The following CELF1 variants were observed in gnomAD, a reference collection of about 807,000 sequenced individuals.
The protein encoded by CELF1 is 50 kDa nuclear polyadenylated RNA-binding protein.
A neutral mutation model predicts 61.8 loss-of-function variants in CELF1; 10 were observed. The observed-to-expected ratio is 0.16, with a 90% confidence interval of 0.10 to 0.27. The LOEUF (loss-of-function observed/expected upper bound fraction) is 0.27, where lower values mean the gene tolerates loss of function less well. Ranked by LOEUF, CELF1 falls within the 10% of genes least tolerant of loss-of-function variation. The probability of loss-of-function intolerance (pLI) is 1.00; values close to 1 mark genes in which losing one functional copy is unlikely to be tolerated. For synonymous variants in CELF1, 236 were observed against 225.1 expected (o/e 1.05, Z -0.43); for missense variants, 380 against 639.1 (o/e 0.59, Z 4.37).
chr11:47,487,274 T>C (rs1464250445), intron 4 of CELF1, 33 bp from the exon 5 acceptor site: 1 of 1,546,024 alleles, frequency 6.5e-7, no homozygotes, highest in Admixed American at 1.7e-5. Flanking sequence ...AAATCAAACT[T>C]TGGAAAGCAG....
At chr11:47,475,548 T>C (rs774366238) in intron 12 of CELF1, 27 bp from the exon 13 acceptor site, 6 of 1,610,594 alleles carry the variant, frequency 3.7e-6, no homozygotes, top group Admixed American at 3.3e-5. Context: ...GAAGGATTAA[T>C]ATACTAGAAA....
chr11:47,550,369 A>G (rs150299113), intron 1 of CELF1, among the ~76,000 whole-genome samples: 5,475 of 152,136 alleles, frequency 0.036, 100 homozygotes, highest in Middle Eastern at 0.065. Context: ...CATCTCTACT[A>G]AAAATACAAA....
chr11:47,563,123 G>A (rs1389746624), intron 2 of CELF1, among the ~76,000 whole-genome samples: 3 of 152,052 alleles, frequency 2.0e-5, no homozygotes, highest in African/African-American at 7.2e-5. Context: ...GGCTGAGGTA[G>A]GAGGACTGCT....
chr11:47,549,398 T>C (rs936813791), intron 1 of CELF1, among the ~76,000 whole-genome samples: 6 of 152,144 alleles, frequency 3.9e-5, no homozygotes, highest in African/African-American at 1.2e-4. Flanking sequence ...CTATTCACAA[T>C]AGCCAAGAGG....
At chr11:47,480,560 T>C (rs189530638) in intron 9 of CELF1, among the ~76,000 whole-genome samples, 15 of 152,184 alleles carry the variant, frequency 9.9e-5, no homozygotes. Context: ...TACTTGCTGG[T>C]AGTGGCAATG....
chr11:47,517,714 GC>G (rs147730347), intron 1 of CELF1, among the ~76,000 whole-genome samples: 16,153 of 151,744 alleles, frequency 0.11, 983 homozygotes, highest in Non-Finnish European at 0.14. Context: ...GTACAATGGC[GC>G]AATATTGGCT....
At chr11:47,551,359 T>C (rs1231010827) in intron 1 of CELF1, among the ~76,000 whole-genome samples, 1 of 152,174 alleles carries the variant, frequency 6.6e-6, no homozygotes, top group Admixed American at 6.5e-5. Context: ...AAGCAACAAC[T>C]GAAAGCTCCA....
Position 47,477,382 on chromosome 11 carries a change from A to T in CELF1, c.888T>A (p.Ala296=), listed in dbSNP as rs1167537044. ...MQLQNLAALA[A]AASAAQNTPS... ...GTGTGTTCTGAGCTGCACTAGCTGC[A>T]GCAGCTAGTGCAGCCAAATTCTGTA... The change falls in exon 11 of 15, where the codon GCT becomes GCA. Residue 296 remains alanine, a synonymous_variant. Coordinates refer to ENST00000687097, the MANE Select transcript of CELF1 (RefSeq NM_001376376.1). The T allele has an allele frequency of 6.2e-7, 1 of 1,608,700 alleles. No individual in the cohort carries two copies. Among genetic ancestry groups the T allele is most frequent in the Non-Finnish European group, 8.5e-7 (1 of 1,175,040 alleles).
intron 3 of CELF1, among the ~76,000 whole-genome samples, chr11:47,497,414 A>G (rs932453665): frequency 2.6e-5 from 4 of 152,250 alleles, no homozygotes; most frequent in African/African-American, 9.6e-5. Context: ...GTTCACTGAC[A>G]CTAGAGGCAG....
chr11:47,506,119 G>A (rs1191762659), intron 1 of CELF1, among the ~76,000 whole-genome samples: 1 of 149,604 alleles, frequency 6.7e-6, no homozygotes, highest in South Asian at 2.1e-4. Context: ...AATGATAGCC[G>A]ATGAGTTAAA....
At position 47,468,261 on chromosome 11, in the gene CELF1, C is replaced by CT. The variant is rs1036488890; in HGVS notation, c.*3968dup. 2 of 152,176 alleles carry CT rather than the reference C, an allele frequency of 1.3e-5. No homozygotes were observed. The highest frequency in any genetic ancestry group is 4.8e-5 in the African/African-American group (2 of 41,418). 9.4% of individuals were successfully genotyped at this position (152,176 alleles called of 1,614,324 possible). ...GGCTGGCTGGGGCCCAAAGTGCAGCCTGCGGTCAAAAAGGAAAGGGGGTTC... is the reference window on the plus strand; with the variant it reads ...GGCTGGCTGGGGCCCAAAGTGCAGCCTTGCGGTCAAAAAGGAAAGGGGGTTC... On this transcript the variant is annotated 3_prime_UTR_variant, in exon 15 of 15. Transcript: ENST00000687097.
intron 1 of CELF1, among the ~76,000 whole-genome samples, chr11:47,538,491 A>C (rs2096687837): frequency 6.6e-6 from 1 of 151,944 alleles, no homozygotes; most frequent in African/African-American, 2.4e-5. Context: ...AAAATACAAA[A>C]AATTAGCCAG....
At chr11:47,535,679 C>CAAA (rs111271894) in intron 1 of CELF1, among the ~76,000 whole-genome samples, 5 of 95,028 alleles carry the variant, frequency 5.3e-5, no homozygotes, top group African/African-American at 1.8e-4. Flanking sequence ...AACCCCATCT[C>CAAA]AAAAAAAAAA....
chr11:47,559,260 T>A (rs1208422786), intron 2 of CELF1, among the ~76,000 whole-genome samples: 1 of 150,940 alleles, frequency 6.6e-6, no homozygotes, highest in Non-Finnish European at 1.5e-5. Flanking sequence ...ACAGATGGGG[T>A]TTCACCATGT....
chr11:47,529,154 T>C (rs538328770), intron 1 of CELF1, among the ~76,000 whole-genome samples: 1 of 151,386 alleles, frequency 6.6e-6, no homozygotes, highest in African/African-American at 2.4e-5. Flanking sequence ...CTCAGCTCAC[T>C]GCAACCTCTG....
chr11:47,535,445 G>C (rs1209757347), intron 1 of CELF1, among the ~76,000 whole-genome samples: 1 of 151,960 alleles, frequency 6.6e-6, no homozygotes, highest in Non-Finnish European at 1.5e-5. Flanking sequence ...TTGGGAGGCC[G>C]AGGCAGGCGG....
At chr11:47,560,146 C>T (rs1309871510) in intron 2 of CELF1, among the ~76,000 whole-genome samples, 1 of 152,104 alleles carries the variant, frequency 6.6e-6, no homozygotes, top group Admixed American at 6.6e-5. Context: ...CAAACATTAG[C>T]TGGGCGTGGT....
chr11:47,539,063 G>A (rs1219836724), intron 1 of CELF1, among the ~76,000 whole-genome samples: 4 of 152,048 alleles, frequency 2.6e-5, no homozygotes, highest in Admixed American at 6.6e-5. Context: ...TAAAACAAAC[G>A]CCACTTAACT....
At chr11:47,558,978 TG>T (rs1329732533) in intron 2 of CELF1, among the ~76,000 whole-genome samples, 1 of 140,280 alleles carries the variant, frequency 7.1e-6, no homozygotes, top group Non-Finnish European at 1.5e-5. Flanking sequence ...ATATTATATA[TG>T]TTATATATAG....
Sources: allele counts gnomAD v4.1 joint callset (sites outside exome capture counted in the v4.1 genomes callset), GRCh38; gene constraint gnomAD v4.1.1; transcripts MANE v1.5; gene names NCBI Gene and HGNC (gene_info 2026-07-23, HGNC 2026-07-21).